TARS3: variants seen among roughly 807,000 people sequenced by gnomAD.
TARS3 encodes the protein threonine--tRNA ligase 2, cytoplasmic.
TARS3 carries 94 observed loss-of-function variants against 103.5 expected under a neutral mutation model. That is an observed-to-expected ratio of 0.91 (90% confidence interval 0.77 to 1.08). The LOEUF (loss-of-function observed/expected upper bound fraction) is 1.08, where lower values mean the gene tolerates loss of function less well. Ranked by LOEUF, TARS3 falls within the 50% of genes least tolerant of loss-of-function variation. The probability of loss-of-function intolerance (pLI) is 0.00; values close to 1 mark genes in which losing one functional copy is unlikely to be tolerated. For missense variants in TARS3, 952 were observed against 995.2 expected, an observed-to-expected ratio of 0.96 and a Z score of 0.58; for synonymous variants, 416 against 355.4, an observed-to-expected ratio of 1.17 and a Z score of -1.92.
chr15:101,688,207 C>G (rs1232557213), intron 10 of TARS3, among the ~76,000 whole-genome samples: 1 of 152,076 alleles, frequency 6.6e-6, no homozygotes, highest in Non-Finnish European at 1.5e-5. Context: ...AGCAAACTGG[C>G]AAAATATTAC....
At chr15:101,701,017 T>A in intron 10 of TARS3, 69 bp downstream of exon 10, 1 of 1,068,844 alleles carries the variant, frequency 9.4e-7, no homozygotes, top group South Asian at 1.7e-5. Context: ...GACCACTTTA[T>A]TATGAGAGAA....
intron 3 of TARS3, among the ~76,000 whole-genome samples, chr15:101,720,563 G>C (rs569469066): frequency 1.3e-5 from 2 of 152,236 alleles, no homozygotes; most frequent in South Asian, 2.1e-4. Flanking sequence ...AACAGGAAAT[G>C]ATTGTGTTCT....
chr15:101,656,064 A>G lies in TARS3; in HGVS notation c.2260+858T>C, dbSNP rs780624375. 18 of 1,288,310 alleles carry G rather than the reference A, an allele frequency of 1.4e-5. No individual in the cohort carries two copies. The South Asian group carries it at 1.7e-4, about 12-fold the overall frequency. The allele number at this position is 1,288,310 out of a possible 1,614,324, so 79.8% of individuals were successfully genotyped here. A position where few individuals can be genotyped will look rare whatever the true frequency, so the allele number is the denominator to read the frequency against. ...AGGTAGATATTCAAGAGAAGCATAA[A>G]GAACCAGAGCAAGACAGGAACGAGA... On this transcript the variant is annotated intron_variant, in intron 18 of 18. Transcript: ENST00000335968.
intron 15 of TARS3, among the ~76,000 whole-genome samples, chr15:101,669,948 C>T (rs1264155163): frequency 1.3e-5 from 2 of 152,250 alleles, no homozygotes; most frequent in African/African-American, 2.4e-5. Context: ...CCTGTTCTTA[C>T]ATCATCTGAT....
chr15:101,699,399 GC>G (rs1157439269), intron 10 of TARS3: 2 of 455,682 alleles, frequency 4.4e-6, no homozygotes, highest in Non-Finnish European at 8.8e-6. Flanking sequence ...TCACAATCAG[GC>G]CCTGCTCCTG....
chr15:101,685,921 T>C lies in TARS3; in HGVS notation c.1462A>G (p.Lys488Glu). The C allele has an allele frequency of 6.2e-7, 1 of 1,614,000 alleles. No homozygotes were observed. Among genetic ancestry groups the C allele is most frequent in the Non-Finnish European group, 8.5e-7 (1 of 1,179,874 alleles). The change falls in exon 11 of 19, where the codon AAA becomes GAA. Residue 488 changes from lysine to glutamate, a missense_variant. Lys to Glu is a moderately conservative substitution (Grantham distance 56, BLOSUM62 1). This residue lies in a region of TARS3 where 540 missense variants were observed against 631.0 expected (regional missense o/e 0.86). Coordinates refer to ENST00000335968, the MANE Select transcript of TARS3 (RefSeq NM_152334.3). ...FEIEKDTFAL[K>E]PMNCPGHCLM... ...CAGTGCCCTGGACAATTCATGGGTT[T>C]GAGGGCAAAAGTGTCCTTTTCAATC...
intron 10 of TARS3, among the ~76,000 whole-genome samples, chr15:101,693,710 G>T (rs1359653636): frequency 2.0e-5 from 3 of 152,154 alleles, no homozygotes; most frequent in Non-Finnish European, 4.4e-5. Context: ...ATGGAATACT[G>T]CCCAGGGACA....
chr15:101,706,048 C>CCGAGA (rs1460068503), intron 6 of TARS3, among the ~76,000 whole-genome samples: 1 of 152,174 alleles, frequency 6.6e-6, no homozygotes, highest in Non-Finnish European at 1.5e-5. Context: ...ACTGCAACGT[C>CCGAGA]CGTCTCCCTG....
At position 101,714,828 on chromosome 15, in the gene TARS3, T is replaced by C. The variant is rs745486626; in HGVS notation, c.690+12A>G. The C allele has an allele frequency of 7.8e-5, 125 of 1,596,274 alleles. 1 individual carries two copies. The highest frequency in any genetic ancestry group is 7.6e-4 in the South Asian group (66 of 87,350). On this transcript the variant is annotated intron_variant, in intron 4 of 18. Coordinates refer to ENST00000335968, the MANE Select transcript of TARS3 (RefSeq NM_152334.3). ...TACCCAAAGTTTGGCTGTCTGGTTTTTAAATACTCACAGCTTGAGCTTCCT... is the reference window on the plus strand; with the variant it reads ...TACCCAAAGTTTGGCTGTCTGGTTTCTAAATACTCACAGCTTGAGCTTCCT...
At chr15:101,691,083 C>T (rs572797536) in intron 10 of TARS3, among the ~76,000 whole-genome samples, 2 of 148,098 alleles carry the variant, frequency 1.4e-5, no homozygotes, top group Admixed American at 1.3e-4. Context: ...GGACTACAGG[C>T]GCCCACCACC....
At chr15:101,657,909 AT>A in intron 16 of TARS3, 52 bp from the exon 17 acceptor site, 1 of 1,136,738 alleles carries the variant, frequency 8.8e-7, no homozygotes, top group Admixed American at 2.4e-5. Context: ...ATGGCTACTT[AT>A]TACATGATTT....
At chr15:101,668,188 A>G (rs1392795451) in intron 15 of TARS3, among the ~76,000 whole-genome samples, 1 of 152,176 alleles carries the variant, frequency 6.6e-6, no homozygotes, top group Non-Finnish European at 1.5e-5. Flanking sequence ...TGGGCTTTCA[A>G]CAGTCCTTCC....
At chr15:101,663,494 A>AT (rs1897462238) in intron 15 of TARS3, among the ~76,000 whole-genome samples, 1 of 152,242 alleles carries the variant, frequency 6.6e-6, no homozygotes, top group South Asian at 2.1e-4. Context: ...CTAACGACAC[A>AT]TTTCTCCAAA....
In TARS3 at chr15:101,671,209, T is replaced by C. The variant is rs928659648; in HGVS notation, c.1967+277A>G. Among the ~76,000 whole-genome samples the C allele has an allele frequency of 5.9e-5, 9 of 152,204 alleles. 1 individual carries two copies. The highest frequency in any genetic ancestry group is 1.4e-4 in the African/African-American group (6 of 41,444). ...CCCAATGCCAGCATTTTGTGAAGTC[T>C]TCCCCCTGTAACTCAGGGAGAGTCA... On this transcript the variant is annotated intron_variant, in intron 15 of 18. Coordinates refer to ENST00000335968, the MANE Select transcript of TARS3 (RefSeq NM_152334.3).
chr15:101,691,525 C>T (rs1244155381), intron 10 of TARS3, among the ~76,000 whole-genome samples: 1 of 152,056 alleles, frequency 6.6e-6, no homozygotes, highest in South Asian at 2.1e-4. Context: ...AGCGATCCAC[C>T]CCTCTCAGCC....
At chr15:101,695,388 G>A (rs1046547926) in intron 10 of TARS3, among the ~76,000 whole-genome samples, 7 of 152,162 alleles carry the variant, frequency 4.6e-5, no homozygotes, top group Non-Finnish European at 7.3e-5. Flanking sequence ...GGCTTAGTAC[G>A]ATGCTTTCGA....
At chr15:101,689,460 A>T (rs995271696) in intron 10 of TARS3, among the ~76,000 whole-genome samples, 7 of 152,204 alleles carry the variant, frequency 4.6e-5, no homozygotes, top group African/African-American at 1.7e-4. Context: ...GAGGTAATCA[A>T]ATTAAAATGA....
intron 1 of TARS3, 92 bp from the exon 2 acceptor site, chr15:101,723,256 C>A: frequency 1.7e-6 from 2 of 1,167,716 alleles, no homozygotes; most frequent in Non-Finnish European, 2.6e-6. Flanking sequence ...GCAAGTGCCC[C>A]GTGTTTAGAG....
At position 101,702,374 on chromosome 15, in the gene TARS3, T is replaced by C. The variant is rs2141430777; in HGVS notation, c.1086A>G (p.Thr362=). The C allele has an allele frequency of 6.2e-7, 1 of 1,613,592 alleles. No homozygotes were observed. Among genetic ancestry groups the C allele is most frequent in the Non-Finnish European group, 8.5e-7 (1 of 1,179,538 alleles). ...KTIKIFKNSS[T]YWEGNPEMET... ...CCATTTCCGGATTGCCCTCCCAATA[T>C]GTTGAGGAATTCTAAATATCAAAGA... The change falls in exon 9 of 19, where the codon ACA becomes ACG. Residue 362 remains threonine (T), a synonymous_variant. Coordinates refer to ENST00000335968, the MANE Select transcript of TARS3 (RefSeq NM_152334.3).
Sources: gnomAD v4.1 joint callset for allele counts (sites outside exome capture counted in the v4.1 genomes callset) on GRCh38, gnomAD v4.1.1 for gene constraint, gnomAD v4.1.1 regional missense constraint, MANE v1.5 for transcripts, NCBI Gene and HGNC (gene_info 2026-07-23, HGNC 2026-07-21) for gene names.